The following GPD2 variants were observed in gnomAD, a reference collection of about 807,000 sequenced individuals.
The protein encoded by GPD2 is glycerol-3-phosphate dehydrogenase, mitochondrial.
GPD2 carries 54 observed loss-of-function variants against 82.4 expected under a neutral mutation model. The ratio of observed to expected loss-of-function variants is 0.66; its 90% CI spans 0.53 to 0.82. The LOEUF is 0.82. GPD2 is among the 40% of genes least tolerant of loss of function. The pLI, the probability that GPD2 is intolerant of heterozygous loss-of-function variation, is 0.00. For synonymous variants in GPD2, 288 were observed against 306.1 expected, an observed-to-expected ratio of 0.94 and a Z score of 0.62; for missense variants, 748 against 896.2, an observed-to-expected ratio of 0.83 and a Z score of 2.11.
intron 3 of GPD2, among the ~76,000 whole-genome samples, chr2:156,505,544 A>G (rs1475350239): frequency 6.6e-6 from 1 of 152,178 alleles, no homozygotes; most frequent in Non-Finnish European, 1.5e-5. Context: ...AAAGAAAAAG[A>G]AAAACAAACT....
intron 13 of GPD2, 75 bp from the exon 14 acceptor site, chr2:156,578,814 A>T (rs1687915803): frequency 1.2e-6 from 1 of 867,076 alleles, no homozygotes. Flanking sequence ...TTTTCTGAAG[A>T]TCAACAGTAA....
chr2:156,499,022 G>A lies in GPD2; in HGVS notation c.274+2807G>A, dbSNP rs979595978. Among the ~76,000 whole-genome samples the A allele has an allele frequency of 3.3e-5, 5 of 152,128 alleles. No homozygotes were observed. The South Asian group carries it at 1.0e-3, about 31-fold the overall frequency. ...ATACAAGGAAAGAGATATCAGAGAT[G>A]TATCTTGGTTTTAGCAGGAAGGTAA... On this transcript the variant is annotated intron_variant, in intron 3 of 16. Transcript: ENST00000438166.
the GPD2 span, among the ~76,000 whole-genome samples, chr2:156,413,986 A>G: frequency 1.3e-3 from 202 of 152,356 alleles, 1 homozygote; most frequent in African/African-American, 4.7e-3. Context: ...TGCTCAATAT[A>G]ATTAATGAAT....
intron 8 of GPD2, among the ~76,000 whole-genome samples, chr2:156,556,260 A>AAAAT (rs1686958408): frequency 6.6e-6 from 1 of 152,184 alleles, no homozygotes; most frequent in Non-Finnish European, 1.5e-5. Context: ...TCCATATTAA[A>AAAAT]AAATAACATT....
chr2:156,443,585 CTTTTTA>C (rs1238175082), intron 1 of GPD2, among the ~76,000 whole-genome samples: 2 of 152,056 alleles, frequency 1.3e-5, no homozygotes, highest in Admixed American at 6.6e-5. Context: ...CAGTTTTAAT[CTTTTTA>C]TTTTTATTTC....
chr2:156,452,561 A>T (rs1682650241), intron 1 of GPD2, among the ~76,000 whole-genome samples: 1 of 152,072 alleles, frequency 6.6e-6, no homozygotes, highest in East Asian at 1.9e-4. Flanking sequence ...GACCGTGGGG[A>T]GAGGGGAGAG....
intron 3 of GPD2, among the ~76,000 whole-genome samples, chr2:156,506,846 A>G (rs963062845): frequency 6.6e-6 from 1 of 152,230 alleles, no homozygotes; most frequent in African/African-American, 2.4e-5. Flanking sequence ...CAGTCAGCAT[A>G]ATAGTATTTC....
At chr2:156,471,650 C>G (rs547054856) in intron 1 of GPD2, among the ~76,000 whole-genome samples, 1 of 152,298 alleles carries the variant, frequency 6.6e-6, no homozygotes, top group Non-Finnish European at 1.5e-5. Context: ...CCTTCAAGAC[C>G]CTTCTCCAAA....
intron 1 of GPD2, among the ~76,000 whole-genome samples, chr2:156,471,757 G>T (rs540080306): frequency 6.6e-6 from 1 of 151,934 alleles, no homozygotes; most frequent in South Asian, 2.1e-4. Context: ...TTTTCTATCA[G>T]ACTATAACAC....
At chr2:156,432,347 A>G (rs146991975), upstream of GPD2, among the ~76,000 whole-genome samples, 295 of 152,222 alleles carry the variant, frequency 1.9e-3, 2 homozygotes, top group Middle Eastern at 6.8e-3. Flanking sequence ...TTGGACTTCT[A>G]TTGATTCCAT....
At chr2:156,509,575 T>C (rs1287356524) in intron 3 of GPD2, among the ~76,000 whole-genome samples, 1 of 151,924 alleles carries the variant, frequency 6.6e-6, no homozygotes, top group Non-Finnish European at 1.5e-5. Flanking sequence ...GGCTTTCATC[T>C]CTCAACTCCT....
rs1378435529 is a variant in GPD2, at chr2:156,513,387, A to T, written c.552A>T (p.Ala184=). 1 of 1,612,274 alleles carries T rather than the reference A, an allele frequency of 6.2e-7. No individual in the cohort carries two copies. The highest frequency in any genetic ancestry group is 1.1e-5 in the South Asian group (1 of 91,024). The stretch of plus-strand genomic sequence containing the variant: ...GAATCAAGCTGTATGATTTGGTTGC[A>T]GGAAGCAATTGCCTAAAAAGCAGTT... ...WVGIKLYDLV[A]GSNCLKSSYV... Residue 184 remains alanine, a synonymous_variant, in exon 6 of 17, where the codon GCA becomes GCT. Transcript: ENST00000438166.
intron 5 of GPD2, 134 bp downstream of exon 5, chr2:156,512,451 G>A (rs1685036796): frequency 1.4e-6 from 1 of 694,792 alleles, no homozygotes; most frequent in East Asian, 2.7e-5. Context: ...TCCTTTTGAA[G>A]TATTTTCCTT....
At chr2:156,509,989 G>C (rs1018621057) in intron 3 of GPD2, among the ~76,000 whole-genome samples, 1 of 151,802 alleles carries the variant, frequency 6.6e-6, no homozygotes, top group Non-Finnish European at 1.5e-5. Flanking sequence ...CACCATGTTG[G>C]CCAGGTTGGT....
chr2:156,432,834 G>A (rs1188579382), upstream of GPD2, among the ~76,000 whole-genome samples: 3 of 152,180 alleles, frequency 2.0e-5, no homozygotes, highest in Non-Finnish European at 4.4e-5. Flanking sequence ...AAGATTCAGA[G>A]TAAATTGTAT....
At chr2:156,578,107 T>C (rs1687891149) in intron 13 of GPD2, among the ~76,000 whole-genome samples, 1 of 152,126 alleles carries the variant, frequency 6.6e-6, no homozygotes, top group South Asian at 2.1e-4. Context: ...AGTTTTTAGA[T>C]GGGAAAATGA....
At chr2:156,507,326 CTT>C (rs11334405) in intron 3 of GPD2, among the ~76,000 whole-genome samples, 166 of 142,502 alleles carry the variant, frequency 1.2e-3, no homozygotes, top group Non-Finnish European at 1.1e-3. Context: ...TTTTTCTTTT[CTT>C]TTTTTTTTTT....
the GPD2 span, among the ~76,000 whole-genome samples, chr2:156,410,779 A>G: frequency 6.6e-6 from 1 of 152,216 alleles, no homozygotes; most frequent in African/African-American, 2.4e-5. Flanking sequence ...AGGATTAATG[A>G]CCACCTTATC....
intron 1 of GPD2, among the ~76,000 whole-genome samples, chr2:156,472,611 C>G (rs1367726929): frequency 6.6e-6 from 1 of 152,064 alleles, no homozygotes; most frequent in Non-Finnish European, 1.5e-5. Flanking sequence ...TGTGAGCCAC[C>G]GTGCCCGGCC....
Sources: gnomAD v4.1 joint callset for allele counts (sites outside exome capture counted in the v4.1 genomes callset) on GRCh38, gnomAD v4.1.1 for gene constraint, MANE v1.5 for transcripts, NCBI Gene and HGNC (gene_info 2026-07-23, HGNC 2026-07-21) for gene names.